Variants in ELAPOR1 observed in about 807,000 individuals in gnomAD.
ELAPOR1 encodes endosome/lysosome-associated apoptosis and autophagy regulator 1.
A neutral mutation model predicts 119.7 loss-of-function variants in ELAPOR1; 77 were observed. The observed-to-expected ratio is 0.64, with a 90% confidence interval of 0.54 to 0.78. The LOEUF is 0.78. Among genes scored for constraint, ELAPOR1 ranks in the 30% least tolerant of loss-of-function variants. ELAPOR1 has a pLI of 0.00. For synonymous variants in ELAPOR1, 481 were observed against 487.2 expected, an observed-to-expected ratio of 0.99 and a Z score of 0.17; for missense variants, 1,115 against 1,270.4, an observed-to-expected ratio of 0.88 and a Z score of 1.86.
chr1:109,184,282 A>T (rs1652919886), intron 7 of ELAPOR1, among the ~76,000 whole-genome samples: 1 of 152,038 alleles, frequency 6.6e-6, no homozygotes. Context: ...GAGGCAGGAG[A>T]ATCACTTGAA....
Position 109,161,992 on chromosome 1 carries a change from C to A in ELAPOR1, c.252C>A (p.Asp84Glu). Reference sequence around the variant, plus strand: ...CGGGCCTGTGCACCAGCCTGCCTGACCCCATCAAGGGCACCGAGTGCTGTA... The same window carrying A: ...CGGGCCTGTGCACCAGCCTGCCTGAACCCATCAAGGGCACCGAGTGCTGTA... ...HTPGLCTSLP[D>E]PIKGTECSFS... is the part of the protein sequence containing the mutation. Residue 84 changes from aspartate to glutamate, a missense_variant, in exon 2 of 22, where the codon GAC becomes GAA. Asp to Glu is a conservative substitution (Grantham distance 45). Transcript: ENST00000369939. 1 of 1,613,490 alleles carries A rather than the reference C, an allele frequency of 6.2e-7. No homozygotes were observed. Among genetic ancestry groups the A allele is most frequent in the Non-Finnish European group, 8.5e-7 (1 of 1,179,500 alleles).
intron 1 of ELAPOR1, among the ~76,000 whole-genome samples, chr1:109,148,082 C>T (rs1650295154): frequency 6.6e-6 from 1 of 151,768 alleles, no homozygotes; most frequent in African/African-American, 2.4e-5. Flanking sequence ...CGTGATCCAC[C>T]CGCCTCGGCC....
At position 109,164,944 on chromosome 1, in the gene ELAPOR1, T is replaced by G. The variant is rs147774770; in HGVS notation, c.467+253T>G. ...GTGGGAGGTAAAAAACATGAGGAAA[T>G]AAGAGAGTGGACAAGGGGGGCAAGG... is the stretch of plus-strand genomic sequence containing the variant. On this transcript the variant is annotated intron_variant, in intron 3 of 21. Transcript: ENST00000369939. Among the ~76,000 whole-genome samples the G allele has an allele frequency of 5.3e-5, 8 of 151,960 alleles. 1 individual carries two copies. Among genetic ancestry groups the G allele is most frequent in the Middle Eastern group, 3.4e-3 (1 of 294 alleles).
chr1:109,146,189 G>A (rs765894488), intron 1 of ELAPOR1, among the ~76,000 whole-genome samples: 30 of 152,092 alleles, frequency 2.0e-4, no homozygotes, highest in Non-Finnish European at 3.8e-4. Context: ...GCATGGGGGC[G>A]CATGCCTATA....
intron 1 of ELAPOR1, among the ~76,000 whole-genome samples, chr1:109,121,410 G>C (rs1648408821): frequency 6.6e-6 from 1 of 152,140 alleles, no homozygotes; most frequent in Non-Finnish European, 1.5e-5. Flanking sequence ...GCCTCCCAAA[G>C]TGCGTGAGCC....
At chr1:109,118,610 A>G (rs1048704414) in intron 1 of ELAPOR1, among the ~76,000 whole-genome samples, 1 of 152,190 alleles carries the variant, frequency 6.6e-6, no homozygotes, top group Non-Finnish European at 1.5e-5. Flanking sequence ...TGTGAAAAAC[A>G]TGCTGACGGT....
intron 3 of ELAPOR1, 91 bp from the exon 4 acceptor site, chr1:109,171,775 C>T: frequency 7.3e-7 from 1 of 1,360,736 alleles, no homozygotes; most frequent in South Asian, 1.4e-5. Flanking sequence ...TGAAAATTCC[C>T]AAAGACCCAG....
chr1:109,173,472 A>G lies in ELAPOR1; in HGVS notation c.697-2A>G, dbSNP rs781507634. 1 of 1,612,694 alleles carries G rather than the reference A, an allele frequency of 6.2e-7. No individual in the cohort carries two copies. The highest frequency in any genetic ancestry group is 1.3e-5 in the African/African-American group (1 of 74,854). On this transcript the variant is annotated splice_acceptor_variant, in intron 5 of 21. Transcript: ENST00000369939. LOFTEE classifies it high-confidence loss of function. ...ATGAATGCTCCTGTTTGTGGTTTTT[A>G]GGTGGAGCTAAATCGAGGCAATAAT...
At chr1:109,173,425 G>A in intron 5 of ELAPOR1, 49 bp from the exon 6 acceptor site, 1 of 1,500,458 alleles carries the variant, frequency 6.7e-7, no homozygotes, top group Non-Finnish European at 9.3e-7. Context: ...CAACAGATTA[G>A]CGAGATTTTT....
intron 1 of ELAPOR1, among the ~76,000 whole-genome samples, chr1:109,144,078 A>G (rs1290585002): frequency 2.0e-4 from 5 of 24,900 alleles, no homozygotes; most frequent in Admixed American, 3.9e-4. Context: ...TTTTTTTTTG[A>G]GATGGAGTTT....
intron 1 of ELAPOR1, among the ~76,000 whole-genome samples, chr1:109,130,219 C>T (rs1425355703): frequency 6.6e-6 from 1 of 152,168 alleles, no homozygotes; most frequent in African/African-American, 2.4e-5. Flanking sequence ...ATTCTGAGCT[C>T]CAGGGTGGGC....
intron 3 of ELAPOR1, 70 bp from the exon 4 acceptor site, chr1:109,171,796 G>T: frequency 6.6e-7 from 1 of 1,514,224 alleles, no homozygotes; most frequent in Non-Finnish European, 9.1e-7. Context: ...CAGAACATGA[G>T]ACCTGCACAT....
chr1:109,200,029 A>G, intron 19 of ELAPOR1, 30 bp from the exon 20 acceptor site: 5 of 1,612,962 alleles, frequency 3.1e-6, no homozygotes, highest in Non-Finnish European at 4.2e-6. Context: ...GGAATGGGAG[A>G]TCTGAGTTCC....
At chr1:109,121,118 C>T (rs753880234) in intron 1 of ELAPOR1, among the ~76,000 whole-genome samples, 3 of 151,930 alleles carry the variant, frequency 2.0e-5, no homozygotes, top group Non-Finnish European at 2.9e-5. Flanking sequence ...CTTTTTTGGT[C>T]CCTTTTTGCA....
At chr1:109,173,861 A>G (rs964553296) in intron 7 of ELAPOR1, 24 bp downstream of exon 7, 3 of 1,612,622 alleles carry the variant, frequency 1.9e-6, no homozygotes, top group Non-Finnish European at 2.5e-6. Context: ...GGGTGGGAAG[A>G]GTTTGGGGAT....
intron 1 of ELAPOR1, among the ~76,000 whole-genome samples, chr1:109,132,003 C>G (rs1348399348): frequency 1.3e-5 from 2 of 152,204 alleles, no homozygotes; most frequent in Admixed American, 1.3e-4. Context: ...TGATTATGAA[C>G]ACACTGGAGA....
chr1:109,159,189 C>T (rs1225602973), intron 1 of ELAPOR1, among the ~76,000 whole-genome samples: 4 of 152,126 alleles, frequency 2.6e-5, no homozygotes, highest in Admixed American at 6.6e-5. Context: ...CACCGTGCCC[C>T]GCCCTAAGCT....
At chr1:109,189,769 T>C in intron 11 of ELAPOR1, 87 bp downstream of exon 11, 2 of 948,922 alleles carry the variant, frequency 2.1e-6, no homozygotes, top group East Asian at 5.0e-5. Context: ...AGGAGAGGGC[T>C]TCCGGGGTTG....
intron 1 of ELAPOR1, among the ~76,000 whole-genome samples, chr1:109,149,230 G>A (rs1160239642): frequency 6.6e-6 from 1 of 152,082 alleles, no homozygotes; most frequent in Non-Finnish European, 1.5e-5. Flanking sequence ...ATGTCAGCGG[G>A]GCTCCTTTCT....
Sources: allele counts gnomAD v4.1 joint callset (sites outside exome capture counted in the v4.1 genomes callset), GRCh38; gene constraint gnomAD v4.1.1; transcripts MANE v1.5; gene names NCBI Gene and HGNC (gene_info 2026-07-23, HGNC 2026-07-21).